Variants in SARNP observed in about 807,000 individuals in gnomAD.
SARNP encodes SAP domain containing ribonucleoprotein, also known as SAP domain-containing ribonucleoprotein.
SARNP carries 5 observed loss-of-function variants against 38.1 expected under a neutral mutation model. The ratio of observed to expected loss-of-function variants is 0.13; its 90% confidence interval spans 0.07 to 0.28. The LOEUF (loss-of-function observed/expected upper bound fraction) is 0.28, where lower values mean the gene tolerates loss of function less well. SARNP is among the 10% of genes least tolerant of loss of function. The pLI is 1.00. For synonymous variants in SARNP, 84 were observed against 80.6 expected, an observed-to-expected ratio of 1.04 and a Z score of -0.23; for missense variants, 180 against 243.9, an observed-to-expected ratio of 0.74 and a Z score of 1.75.
At chr12:55,780,121 C>T (rs1440965985) in intron 9 of SARNP, among the ~76,000 whole-genome samples, 2 of 152,124 alleles carry the variant, frequency 1.3e-5, no homozygotes, top group African/African-American at 4.8e-5. Context: ...GCACTTCAGC[C>T]TGGGCGACAG....
chr12:55,800,311 G>T (rs1474196110), intron 4 of SARNP, among the ~76,000 whole-genome samples: 1 of 152,140 alleles, frequency 6.6e-6, no homozygotes, highest in African/African-American at 2.4e-5. Context: ...ACAAAGGCTA[G>T]GAGAATTAAA....
chr12:55,771,106 TTTTGTTTG>T lies in SARNP; in HGVS notation c.502-10474_502-10467del, dbSNP rs138906654. ...GCGCATGCCACCACGCCTGGCTGTT[TTTTGTTTG>T]TTTGTTTGTTTGTTTGTATTTTTAG... On this transcript the variant is annotated intron_variant, in intron 9 of 10. Coordinates refer to ENST00000336133, the MANE Select transcript of SARNP (RefSeq NM_033082.4). 1.6e-3 allele frequency among the ~76,000 whole-genome samples: 242 copies of T among 152,114 alleles called. 2 individuals carry two copies. The highest frequency in any genetic ancestry group is 5.3e-3 in the African/African-American group (220 of 41,492).
intron 1 of SARNP, among the ~76,000 whole-genome samples, chr12:55,812,134 T>C (rs1367576427): frequency 6.6e-6 from 1 of 152,202 alleles, no homozygotes; most frequent in African/African-American, 2.4e-5. Context: ...ATTACCTTAT[T>C]ACCATTGCTC....
At chr12:55,798,702 T>C (rs1011799569) in intron 4 of SARNP, among the ~76,000 whole-genome samples, 3 of 152,162 alleles carry the variant, frequency 2.0e-5, no homozygotes, top group African/African-American at 7.2e-5. Flanking sequence ...TGAAATAAAT[T>C]ACTGTTTATC....
intron 4 of SARNP, among the ~76,000 whole-genome samples, chr12:55,798,776 T>C (rs1392223441): frequency 1.3e-5 from 2 of 152,226 alleles, no homozygotes; most frequent in East Asian, 3.8e-4. Context: ...CTAGTAAATC[T>C]GGGTGATAGG....
At chr12:55,775,358 G>A (rs1157289943) in intron 9 of SARNP, among the ~76,000 whole-genome samples, 5 of 89,008 alleles carry the variant, frequency 5.6e-5, no homozygotes, top group African/African-American at 9.0e-5. Context: ...TCAGGAGTTC[G>A]AGACCAGCCT....
chr12:55,788,517 C>G (rs980943140), intron 9 of SARNP, among the ~76,000 whole-genome samples: 1 of 152,170 alleles, frequency 6.6e-6, no homozygotes, highest in African/African-American at 2.4e-5. Context: ...CATACTCAGG[C>G]TGGGTGCAGT....
At chr12:55,774,665 T>C (rs1879119967) in intron 9 of SARNP, among the ~76,000 whole-genome samples, 1 of 151,166 alleles carries the variant, frequency 6.6e-6, no homozygotes, top group Non-Finnish European at 1.5e-5. Flanking sequence ...GGAAAATTGA[T>C]TAAACCCAGG....
At chr12:55,758,887 C>T (rs1878593244) in intron 10 of SARNP, among the ~76,000 whole-genome samples, 1 of 151,190 alleles carries the variant, frequency 6.6e-6, no homozygotes, top group South Asian at 2.1e-4. Context: ...TACAGCAATG[C>T]AAGAACAGCC....
intron 2 of SARNP, among the ~76,000 whole-genome samples, chr12:55,803,312 C>T (rs1331473287): frequency 1.3e-5 from 2 of 151,784 alleles, no homozygotes; most frequent in African/African-American, 2.4e-5. Flanking sequence ...GGTGAAACCC[C>T]GTCTCTACTA....
chr12:55,763,617 C>T (rs757237051), intron 9 of SARNP, among the ~76,000 whole-genome samples: 3 of 152,076 alleles, frequency 2.0e-5, no homozygotes, highest in Non-Finnish European at 2.9e-5. Context: ...TCATTTACTA[C>T]TTTATTTTAA....
At chr12:55,799,575 T>TTTTTCC in intron 4 of SARNP, among the ~76,000 whole-genome samples, 1 of 148,038 alleles carries the variant, frequency 6.8e-6, no homozygotes, top group Non-Finnish European at 1.5e-5. Context: ...TTTTTTTTTT[T>TTTTTCC]CCCGAGACAG....
intron 9 of SARNP, among the ~76,000 whole-genome samples, chr12:55,768,814 C>T (rs1275961239): frequency 1.3e-5 from 2 of 152,126 alleles, no homozygotes; most frequent in East Asian, 3.9e-4. Flanking sequence ...ATCTCCGTCT[C>T]CTGGGTTTAA....
intron 5 of SARNP, among the ~76,000 whole-genome samples, chr12:55,795,411 CA>C (rs1354043022): frequency 6.6e-6 from 1 of 151,952 alleles, no homozygotes; most frequent in African/African-American, 2.4e-5. Flanking sequence ...TAGATGCCCT[CA>C]AAAACAAAAG....
intron 1 of SARNP, 119 bp downstream of exon 1, chr12:55,817,547 G>A: frequency 4.4e-6 from 4 of 905,724 alleles, no homozygotes; most frequent in African/African-American, 1.7e-5. Context: ...AGCTACGGCG[G>A]GAGCCGAGAA....
At chr12:55,759,369 C>G (rs995615276) in intron 10 of SARNP, among the ~76,000 whole-genome samples, 8 of 151,652 alleles carry the variant, frequency 5.3e-5, no homozygotes, top group Non-Finnish European at 1.0e-4. Flanking sequence ...ACCTGAGGCT[C>G]AGGAAGTACT....
At chr12:55,793,004 T>C (rs1467969757) in intron 7 of SARNP, 1 of 152,122 alleles carries the variant, frequency 6.6e-6, no homozygotes, top group Non-Finnish European at 1.5e-5. Context: ...AAATAATAAC[T>C]GTTTCAGGCT....
At chr12:55,807,529 G>A (rs557407516) in intron 1 of SARNP, among the ~76,000 whole-genome samples, 7 of 151,716 alleles carry the variant, frequency 4.6e-5, no homozygotes, top group Non-Finnish European at 8.8e-5. Context: ...TTGGTCGGGC[G>A]TGGTGGCTCA....
At chr12:55,757,906 GAA>G (rs746824006) in intron 10 of SARNP, among the ~76,000 whole-genome samples, 5 of 152,140 alleles carry the variant, frequency 3.3e-5, no homozygotes, top group Admixed American at 6.5e-5. Context: ...AACAGGCTGG[GAA>G]AAGTCTTCCA....
Sources: allele counts gnomAD v4.1 joint callset (sites outside exome capture counted in the v4.1 genomes callset), GRCh38; gene constraint gnomAD v4.1.1; transcripts MANE v1.5; gene names NCBI Gene and HGNC (gene_info 2026-07-23, HGNC 2026-07-21).